The following PPARGC1A variants were observed in gnomAD, a reference collection of about 807,000 sequenced individuals.
PPARGC1A encodes the protein PPARG coactivator 1 alpha, also known as peroxisome proliferator-activated receptor gamma coactivator 1-alpha.
A neutral mutation model predicts 88.7 loss-of-function variants in PPARGC1A; 25 were observed. That is an observed-to-expected ratio of 0.28 (90% CI 0.21 to 0.39). The LOEUF (loss-of-function observed/expected upper bound fraction) is 0.39, where lower values mean the gene tolerates loss of function less well. Among genes scored for constraint, PPARGC1A ranks in the 10% least tolerant of loss-of-function variants. The pLI is 1.00. For synonymous variants in PPARGC1A, 363 were observed against 355.6 expected, an observed-to-expected ratio of 1.02 and a Z score of -0.24; for missense variants, 880 against 968.7, an observed-to-expected ratio of 0.91 and a Z score of 1.22.
chr4:24,383,581 C>T, the PPARGC1A span, among the ~76,000 whole-genome samples: 1 of 152,058 alleles, frequency 6.6e-6, no homozygotes, highest in Admixed American at 6.5e-5. Context: ...GTGAAGCATA[C>T]ACAAGTATCA....
the PPARGC1A span, among the ~76,000 whole-genome samples, chr4:24,447,603 T>A: frequency 5.9e-5 from 9 of 152,222 alleles, no homozygotes; most frequent in African/African-American, 2.2e-4. Context: ...ATGATGTGTC[T>A]GAATCCTCGT....
At chr4:24,371,960 GA>G in the PPARGC1A span, among the ~76,000 whole-genome samples, 27 of 146,440 alleles carry the variant, frequency 1.8e-4, no homozygotes, top group East Asian at 4.0e-4. Context: ...CAAAATAAAA[GA>G]AAAAAAAAAG....
chr4:24,023,068 A>G, the PPARGC1A span, among the ~76,000 whole-genome samples: 1 of 152,182 alleles, frequency 6.6e-6, no homozygotes, highest in Non-Finnish European at 1.5e-5. Flanking sequence ...CAATTCTACT[A>G]TAAGTATTTT....
intron 2 of PPARGC1A, chr4:23,883,812 T>G (rs1716405165): frequency 1.3e-5 from 2 of 152,340 alleles, no homozygotes; most frequent in Middle Eastern, 3.4e-3. Context: ...TATTTTAAAC[T>G]TGGCTTTCTT....
rs920657398 is a variant in PPARGC1A at position 23,833,234 on chromosome 4, A to G, written c.235-1483T>C. On this transcript the variant is annotated intron_variant, in intron 2 of 12. Transcript: ENST00000264867. Reference sequence around the variant, plus strand: ...CCTTGTTAACAAGGCAGTGTGTGATATTCTATGCACGTGGACAACCAGTAC... The same window carrying G: ...CCTTGTTAACAAGGCAGTGTGTGATGTTCTATGCACGTGGACAACCAGTAC... 4.6e-5 allele frequency among the ~76,000 whole-genome samples: 7 copies of G among 152,362 alleles called. No individual in the cohort carries two copies. In the East Asian group the frequency reaches 1.3e-3, roughly 29 times the overall value.
chr4:24,268,470 C>T, the PPARGC1A span, among the ~76,000 whole-genome samples: 2 of 152,202 alleles, frequency 1.3e-5, no homozygotes, highest in Non-Finnish European at 2.9e-5. Context: ...CCCCCTACCA[C>T]TGATGGAATC....
chr4:24,067,797 A>C, the PPARGC1A span, among the ~76,000 whole-genome samples: 1 of 152,176 alleles, frequency 6.6e-6, no homozygotes, highest in Admixed American at 6.5e-5. Flanking sequence ...CGAGCACTTC[A>C]CTTCTGCTGT....
chr4:23,967,411 G>A, the PPARGC1A span, among the ~76,000 whole-genome samples: 4 of 152,174 alleles, frequency 2.6e-5, no homozygotes, highest in Non-Finnish European at 4.4e-5. Context: ...CAATGGCTCT[G>A]AGCAATGGGG....
intron 7 of PPARGC1A, among the ~76,000 whole-genome samples, chr4:23,820,251 A>AT (rs1190356203): frequency 1.3e-5 from 2 of 152,158 alleles, no homozygotes; most frequent in Non-Finnish European, 2.9e-5. Context: ...AAAAACATAT[A>AT]TCAATGGAGA....
At chr4:23,893,323 T>TA (rs1441950816), upstream of PPARGC1A, among the ~76,000 whole-genome samples, 4 of 152,176 alleles carry the variant, frequency 2.6e-5, no homozygotes, top group African/African-American at 7.2e-5. Flanking sequence ...TGCCCATTTC[T>TA]AAAAATTAGA....
the PPARGC1A span, among the ~76,000 whole-genome samples, chr4:24,218,456 C>G: frequency 1.3e-5 from 2 of 152,320 alleles, no homozygotes; most frequent in African/African-American, 4.8e-5. Flanking sequence ...GTGGATGAGG[C>G]AGTCAGCGAG....
the PPARGC1A span, among the ~76,000 whole-genome samples, chr4:24,251,774 C>T: frequency 6.6e-6 from 1 of 152,154 alleles, no homozygotes; most frequent in African/African-American, 2.4e-5. Flanking sequence ...TCTGACTCCA[C>T]AGCCTGTGAA....
At chr4:24,158,970 G>T in the PPARGC1A span, among the ~76,000 whole-genome samples, 1 of 151,952 alleles carries the variant, frequency 6.6e-6, no homozygotes, top group African/African-American at 2.4e-5. Flanking sequence ...TGATAACAGC[G>T]CATGATAGTT....
the PPARGC1A span, among the ~76,000 whole-genome samples, chr4:24,444,054 T>C: frequency 6.6e-6 from 1 of 151,980 alleles, no homozygotes; most frequent in African/African-American, 2.4e-5. Flanking sequence ...GTTGTTGTTG[T>C]AGAGAAAGAG....
the PPARGC1A span, among the ~76,000 whole-genome samples, chr4:24,232,795 G>A: frequency 2.0e-5 from 3 of 152,300 alleles, no homozygotes; most frequent in Non-Finnish European, 2.9e-5. Context: ...TTGACTCAGG[G>A]CATTGTCCTA....
At chr4:23,836,508 A>G (rs1415827787) in intron 2 of PPARGC1A, among the ~76,000 whole-genome samples, 1 of 152,222 alleles carries the variant, frequency 6.6e-6, no homozygotes, top group Non-Finnish European at 1.5e-5. Context: ...ATACACATGC[A>G]TTTATACTAA....
At chr4:23,923,508 C>T in the PPARGC1A span, among the ~76,000 whole-genome samples, 2 of 151,818 alleles carry the variant, frequency 1.3e-5, no homozygotes, top group African/African-American at 4.8e-5. Context: ...ATGGGTGGTC[C>T]TTACAAGGAA....
intron 2 of PPARGC1A, among the ~76,000 whole-genome samples, chr4:23,878,720 G>A (rs957217113): frequency 1.3e-5 from 2 of 152,160 alleles, no homozygotes; most frequent in African/African-American, 4.8e-5. Context: ...TAAGCCGACA[G>A]GAGAGGCTGA....
chr4:24,328,254 C>G, the PPARGC1A span, among the ~76,000 whole-genome samples: 1 of 97,470 alleles, frequency 1.0e-5, no homozygotes, highest in Non-Finnish European at 2.2e-5. Flanking sequence ...ATTAGCAGCC[C>G]CCCCCCCAAT....
Sources: allele counts gnomAD v4.1 joint callset (sites outside exome capture counted in the v4.1 genomes callset), GRCh38; gene constraint gnomAD v4.1.1; transcripts MANE v1.5; gene names NCBI Gene and HGNC (gene_info 2026-07-23, HGNC 2026-07-21).